The following RNF216 variants were observed in gnomAD, a reference collection of about 807,000 sequenced individuals.
The protein encoded by RNF216 is ring finger protein 216, also known as E3 ubiquitin-protein ligase RNF216.
RNF216 carries 72 observed loss-of-function variants against 110.8 expected under a neutral mutation model. The ratio of observed to expected loss-of-function variants is 0.65; its 90% confidence interval spans 0.54 to 0.79. The LOEUF (loss-of-function observed/expected upper bound fraction) is 0.79. Ranked by LOEUF, RNF216 falls within the 30% of genes least tolerant of loss-of-function variation. The pLI is 0.00. For missense variants in RNF216, 1,342 were observed against 1,141.2 expected (o/e 1.18, Z -2.54); for synonymous variants, 495 against 407.5 (o/e 1.21, Z -2.59).
chr7:5,637,447 G>C (rs1030251756), intron 15 of RNF216, among the ~76,000 whole-genome samples: 6 of 152,182 alleles, frequency 3.9e-5, no homozygotes, highest in African/African-American at 1.4e-4. Context: ...ACCCAGTTAG[G>C]AGCTTGTTCC....
At chr7:5,671,805 CAAAAAAAA>C (rs11319565) in intron 13 of RNF216, among the ~76,000 whole-genome samples, 2 of 54,242 alleles carry the variant, frequency 3.7e-5, no homozygotes, top group Non-Finnish European at 3.3e-5. Flanking sequence ...AACTCCGTCT[CAAAAAAAA>C]AAAAAAAAAA....
At chr7:5,753,356 G>T in intron 2 of RNF216, among the ~76,000 whole-genome samples, 1 of 152,024 alleles carries the variant, frequency 6.6e-6, no homozygotes, top group East Asian at 1.9e-4. Context: ...AAATTGTTTG[G>T]TCTGAAAAAA....
At chr7:5,685,155 C>A (rs1286207697) in intron 13 of RNF216, among the ~76,000 whole-genome samples, 1 of 152,152 alleles carries the variant, frequency 6.6e-6, no homozygotes, top group East Asian at 1.9e-4. Context: ...GGCTCATGGC[C>A]TCCAGTGATT....
At chr7:5,677,521 G>C (rs918747366) in intron 13 of RNF216, among the ~76,000 whole-genome samples, 1 of 152,194 alleles carries the variant, frequency 6.6e-6, no homozygotes. Context: ...ATGGCTTCTG[G>C]TAAATTATAA....
intron 1 of RNF216, among the ~76,000 whole-genome samples, chr7:5,771,850 A>C (rs1191422099): frequency 6.6e-6 from 1 of 152,096 alleles, no homozygotes; most frequent in Non-Finnish European, 1.5e-5. Context: ...ATTTGAATTA[A>C]CAACGGCTGA....
intron 1 of RNF216, among the ~76,000 whole-genome samples, chr7:5,776,208 T>C (rs941606734): frequency 6.6e-6 from 1 of 152,008 alleles, no homozygotes; most frequent in Admixed American, 6.6e-5. Context: ...TCATCGGGAA[T>C]ACATCAAAAC....
rs200847164 is a variant in RNF216 at position 5,622,942 on chromosome 7, T to A, written c.2690A>T (p.Asn897Ile). Residue 897 changes from asparagine (N) to isoleucine (I), a missense_variant, in exon 17 of 17, where the codon AAC becomes ATC. By Grantham distance (149) the Asn-to-Ile change is moderately radical. Coordinates refer to ENST00000389902, the MANE Select transcript of RNF216 (RefSeq NM_207111.4). ...YVPPLPNVRV[N>I]YDFGPIHMPL... ...CATGTGGATGGGACCGAAGTCATAG[T>A]TGACCCGCACGTTGGGCAGAGGGGG... 4 of 1,613,856 alleles carry A rather than the reference T, an allele frequency of 2.5e-6. No homozygotes were observed. Among genetic ancestry groups the A allele is most frequent in the Non-Finnish European group, 3.4e-6 (4 of 1,179,998 alleles).
intron 14 of RNF216, among the ~76,000 whole-genome samples, chr7:5,649,024 G>C (rs1417304392): frequency 1.3e-5 from 2 of 152,192 alleles, no homozygotes; most frequent in Admixed American, 6.5e-5. Context: ...GGTTTTATGG[G>C]TGAAATGACA....
At chr7:5,773,006 C>T (rs1456587416) in intron 1 of RNF216, among the ~76,000 whole-genome samples, 4 of 152,096 alleles carry the variant, frequency 2.6e-5, no homozygotes, top group African/African-American at 4.8e-5. Flanking sequence ...TCTCGAACTA[C>T]TGACCTCTGG....
At chr7:5,707,157 G>A (rs1405370488) in intron 13 of RNF216, among the ~76,000 whole-genome samples, 6 of 152,164 alleles carry the variant, frequency 3.9e-5, no homozygotes. Flanking sequence ...TTAAATTACT[G>A]TAGCTTTGTA....
intron 15 of RNF216, among the ~76,000 whole-genome samples, chr7:5,626,026 G>A (rs1400420028): frequency 6.6e-6 from 1 of 152,204 alleles, no homozygotes; most frequent in Admixed American, 6.5e-5. Flanking sequence ...TCTGAGCAAG[G>A]CATGAAGAGA....
intron 9 of RNF216, 52 bp downstream of exon 9, chr7:5,720,981 A>G (rs1584509558): frequency 1.3e-6 from 2 of 1,593,178 alleles, no homozygotes; most frequent in East Asian, 4.5e-5. Flanking sequence ...AAACCCTAAG[A>G]GCAAACCAGA....
intron 13 of RNF216, among the ~76,000 whole-genome samples, chr7:5,671,157 G>C (rs1433349861): frequency 6.6e-6 from 1 of 152,222 alleles, no homozygotes; most frequent in African/African-American, 2.4e-5. Flanking sequence ...CTGTGCTCTA[G>C]TTAGGCTCAG....
At chr7:5,682,801 T>C (rs1354658219) in intron 13 of RNF216, among the ~76,000 whole-genome samples, 1 of 152,190 alleles carries the variant, frequency 6.6e-6, no homozygotes, top group Non-Finnish European at 1.5e-5. Flanking sequence ...TCCAAGAGTC[T>C]TAAGCAAATG....
intron 15 of RNF216, among the ~76,000 whole-genome samples, chr7:5,633,196 C>G (rs1787183183): frequency 6.6e-6 from 1 of 151,776 alleles, no homozygotes; most frequent in African/African-American, 2.4e-5. Flanking sequence ...CCAGGCTGGT[C>G]TCGAACTCCT....
At chr7:5,630,532 C>A (rs1259879013) in intron 15 of RNF216, among the ~76,000 whole-genome samples, 1 of 152,056 alleles carries the variant, frequency 6.6e-6, no homozygotes, top group Non-Finnish European at 1.5e-5. Context: ...GTGTGTATCA[C>A]CATGCCCAGC....
intron 13 of RNF216, among the ~76,000 whole-genome samples, chr7:5,693,913 G>A (rs754879871): frequency 2.6e-5 from 4 of 152,102 alleles, no homozygotes; most frequent in South Asian, 2.1e-4. Context: ...ATGACACAAC[G>A]AAAATTAATA....
intron 13 of RNF216, among the ~76,000 whole-genome samples, chr7:5,657,440 G>A (rs966102621): frequency 1.3e-5 from 2 of 152,114 alleles, no homozygotes; most frequent in Non-Finnish European, 2.9e-5. Flanking sequence ...GGTGGCGCAT[G>A]CCTATAATCC....
rs564026365 is a variant in RNF216 at position 5,761,525 on chromosome 7, C to T, written c.-69-387G>A. Among the ~76,000 whole-genome samples, 174 of 152,302 alleles carry T rather than the reference C, an allele frequency of 1.1e-3. No homozygotes were observed. In the Middle Eastern group the frequency reaches 0.017, roughly 15 times the overall value. On this transcript the variant is annotated intron_variant, in intron 1 of 16. Transcript: ENST00000389902. ...TGTTTCAGCCAGACGCAGTGGCTCA[C>T]GCCTACAATCCCAGCACTTTGGGAG... is the stretch of plus-strand genomic sequence containing the variant.
Sources: gnomAD v4.1 joint callset for allele counts (sites outside exome capture counted in the v4.1 genomes callset) on GRCh38, gnomAD v4.1.1 for gene constraint, MANE v1.5 for transcripts, NCBI Gene and HGNC (gene_info 2026-07-23, HGNC 2026-07-21) for gene names.